FAM76A: variants seen among roughly 807,000 people sequenced by gnomAD.
FAM76A encodes protein FAM76A.
A neutral mutation model predicts 46.2 loss-of-function variants in FAM76A; 32 were observed. The ratio of observed to expected loss-of-function variants is 0.69; its 90% CI spans 0.52 to 0.93. The LOEUF (loss-of-function observed/expected upper bound fraction) is 0.93, where lower values mean the gene tolerates loss of function less well. FAM76A is among the 40% of genes least tolerant of loss of function. The probability of loss-of-function intolerance (pLI) is 0.00; values close to 1 mark genes in which losing one functional copy is unlikely to be tolerated. For missense variants in FAM76A, 274 were observed against 361.5 expected, an observed-to-expected ratio of 0.76 and a Z score of 1.96; for synonymous variants, 137 against 127.0, an observed-to-expected ratio of 1.08 and a Z score of -0.53.
intron 5 of FAM76A, among the ~76,000 whole-genome samples, chr1:27,745,245 CT>C (rs1557782358): frequency 1.3e-5 from 2 of 152,080 alleles, no homozygotes. Flanking sequence ...TTCAGAGTAT[CT>C]AGTATTGTTA....
chr1:27,759,995 AC>A, intron 8 of FAM76A: 1 of 456,900 alleles, frequency 2.2e-6, no homozygotes, highest in South Asian at 1.6e-5. Flanking sequence ...CTAGTCTTGA[AC>A]TCCTGGCTTC....
rs2088463851 is a variant in FAM76A at position 27,759,244 on chromosome 1, AATATAATC to A, written c.736-272_736-265del. 1.3e-5 allele frequency among the ~76,000 whole-genome samples: 2 copies of A among 152,224 alleles called. 1 individual carries two copies. The highest frequency in any genetic ancestry group is 4.1e-4 in the South Asian group (2 of 4,838). On this transcript the variant is annotated intron_variant, in intron 7 of 8. Transcript: ENST00000373954. ...TGTTATCATAAAGATCTACTGAAGTAATATAATCATATAATCAGTTTTTCTGCAACATA... is the reference window on the plus strand; with the variant it reads ...TGTTATCATAAAGATCTACTGAAGTAATATAATCAGTTTTTCTGCAACATA...
chr1:27,733,950 A>C (rs752617242), intron 3 of FAM76A, 81 bp from the exon 4 acceptor site: 1 of 1,393,746 alleles, frequency 7.2e-7, no homozygotes, highest in Non-Finnish European at 9.9e-7. Flanking sequence ...AATGAACTAC[A>C]AAGTAGGAAT....
At chr1:27,760,430 TGC>T in intron 8 of FAM76A, 63 bp from the exon 9 acceptor site, 1 of 1,361,732 alleles carries the variant, frequency 7.3e-7, no homozygotes, top group South Asian at 1.3e-5. Context: ...GCACTTACTC[TGC>T]ATGAAAAATA....
At chr1:27,746,519 G>A (rs1307961266) in intron 5 of FAM76A, among the ~76,000 whole-genome samples, 2 of 152,062 alleles carry the variant, frequency 1.3e-5, no homozygotes, top group South Asian at 4.1e-4. Flanking sequence ...TCAGGAGTTC[G>A]AGACCAGCCT....
intron 7 of FAM76A, among the ~76,000 whole-genome samples, chr1:27,757,992 C>T (rs746452225): frequency 4.1e-4 from 62 of 151,396 alleles, no homozygotes; most frequent in Non-Finnish European, 7.2e-4. Flanking sequence ...AAAAAAAAAG[C>T]CTTTGAGGTG....
intron 4 of FAM76A, among the ~76,000 whole-genome samples, chr1:27,744,014 TTTCCTTAA>T (rs2088198997): frequency 6.6e-6 from 1 of 152,172 alleles, no homozygotes; most frequent in Non-Finnish European, 1.5e-5. Context: ...CCTGCTGAGT[TTTCCTTAA>T]TGAGAACCGT....
intron 5 of FAM76A, among the ~76,000 whole-genome samples, chr1:27,748,507 GGCTGGAGTGCAGTGGATT>G (rs1197176899): frequency 1.4e-5 from 2 of 141,304 alleles, no homozygotes; most frequent in African/African-American, 2.6e-5. Context: ...AGTCTCGCCA[GGCTGGAGTGCAGTGGATT>G]GCTGGGAGTG....
At chr1:27,740,991 G>T (rs1488502141) in intron 4 of FAM76A, among the ~76,000 whole-genome samples, 1 of 151,868 alleles carries the variant, frequency 6.6e-6, no homozygotes, top group African/African-American at 2.4e-5. Context: ...GGGCGTGGTG[G>T]TGCATGCCTA....
Position 27,760,625 on chromosome 1 carries a change from C to G in FAM76A, c.*44C>G. On this transcript the variant is annotated 3_prime_UTR_variant, in exon 9 of 9. Transcript: ENST00000373954. Reference sequence around the variant, plus strand: ...CCTAGCAACAGCAAATGGAGTTGTCCAGGGTTAGGGTTGGAGACCTGGCTG... The same window carrying G: ...CCTAGCAACAGCAAATGGAGTTGTCGAGGGTTAGGGTTGGAGACCTGGCTG... The G allele has an allele frequency of 6.8e-7, 1 of 1,479,162 alleles. No homozygotes were observed. The highest frequency in any genetic ancestry group is 9.3e-7 in the Non-Finnish European group (1 of 1,074,082). The allele number at this position is 1,479,162 out of a possible 1,614,324, so 91.6% of individuals were successfully genotyped here.
intron 5 of FAM76A, among the ~76,000 whole-genome samples, chr1:27,746,342 G>T (rs2088240274): frequency 6.6e-6 from 1 of 152,160 alleles, no homozygotes; most frequent in Non-Finnish European, 1.5e-5. Flanking sequence ...TCTAGTTTTG[G>T]AAAGTTGAGT....
chr1:27,740,718 G>T, intron 4 of FAM76A: 1 of 439,952 alleles, frequency 2.3e-6, no homozygotes, highest in South Asian at 2.9e-5. Context: ...TTGCAGCTGA[G>T]GCAATACTGC....
intron 2 of FAM76A, chr1:27,730,188 TTTTG>T (rs1470963892): frequency 3.6e-5 from 8 of 221,418 alleles, no homozygotes; most frequent in Non-Finnish European, 6.4e-5. Flanking sequence ...TTTCTTTTTT[TTTTG>T]TTGTTGTTGT....
rs1359571160 is a variant in FAM76A, at chr1:27,762,175, T to C, written c.*1594T>C. Reference sequence around the variant, plus strand: ...CAGAAGCACTTTGCCTCAACCAGAGTTATGTATGCCCTGCCTATCTTCCCT... The same window carrying C: ...CAGAAGCACTTTGCCTCAACCAGAGCTATGTATGCCCTGCCTATCTTCCCT... On this transcript the variant is annotated 3_prime_UTR_variant, in exon 9 of 9. Transcript: ENST00000373954. The C allele has an allele frequency of 2.0e-5, 3 of 152,096 alleles. No homozygotes were observed. The highest frequency in any genetic ancestry group is 7.2e-5 in the African/African-American group (3 of 41,414). The allele number at this position is 152,096 out of a possible 1,614,324, so 9.4% of individuals were successfully genotyped here. A position where few individuals can be genotyped will look rare whatever the true frequency, so the allele number is the denominator to read the frequency against.
chr1:27,727,632 G>T, intron 2 of FAM76A, 96 bp downstream of exon 2: 2 of 888,346 alleles, frequency 2.3e-6, no homozygotes, highest in Admixed American at 2.1e-5. Flanking sequence ...ATAATCAGTT[G>T]CATTGTAAAA....
chr1:27,751,147 CA>C (rs371863274), intron 6 of FAM76A, among the ~76,000 whole-genome samples: 1 of 148,974 alleles, frequency 6.7e-6, no homozygotes, highest in African/African-American at 2.4e-5. Context: ...GACTCTGTCT[CA>C]AAAAAAAAGG....
intron 2 of FAM76A, among the ~76,000 whole-genome samples, chr1:27,728,353 A>G (rs1033077426): frequency 4.6e-5 from 7 of 151,718 alleles, no homozygotes; most frequent in Non-Finnish European, 1.0e-4. Context: ...TTCCTTGGGC[A>G]AATCTCTTTT....
At chr1:27,731,775 T>C (rs555460777) in intron 2 of FAM76A, among the ~76,000 whole-genome samples, 2 of 152,314 alleles carry the variant, frequency 1.3e-5, no homozygotes, top group South Asian at 2.1e-4. Context: ...TTAGTGATAC[T>C]TGGGGATGTC....
chr1:27,736,708 C>T (rs1430339458), intron 4 of FAM76A, among the ~76,000 whole-genome samples: 1 of 152,100 alleles, frequency 6.6e-6, no homozygotes, highest in Admixed American at 6.5e-5. Flanking sequence ...CTACCTCAGC[C>T]TCCAGAGCAG....
Sources: gnomAD v4.1 joint callset for allele counts (sites outside exome capture counted in the v4.1 genomes callset) on GRCh38, gnomAD v4.1.1 for gene constraint, MANE v1.5 for transcripts, NCBI Gene and HGNC (gene_info 2026-07-23, HGNC 2026-07-21) for gene names.